The following CSMD3 variants were observed in gnomAD, a reference collection of about 807,000 sequenced individuals.
CSMD3 encodes the protein CUB and sushi domain-containing protein 3.
In CSMD3, 177 loss-of-function variants were observed where a neutral mutation model predicts 435.2. That is an observed-to-expected ratio of 0.41 (90% CI 0.36 to 0.46). The LOEUF (loss-of-function observed/expected upper bound fraction) is 0.46. Ranked by LOEUF, CSMD3 falls within the 20% of genes least tolerant of loss-of-function variation. The pLI, the probability that CSMD3 is intolerant of heterozygous loss-of-function variation, is 0.34. For synonymous variants in CSMD3, 1,656 were observed against 1,520.5 expected, an observed-to-expected ratio of 1.09 and a Z score of -2.07; for missense variants, 4,265 against 4,504.6, an observed-to-expected ratio of 0.95 and a Z score of 1.52.
chr8:112,519,023 A>G (rs2853243), intron 27 of CSMD3, among the ~76,000 whole-genome samples: 8,728 of 152,162 alleles, frequency 0.057, 334 homozygotes, highest in East Asian at 0.15. Context: ...CTGTGATTCA[A>G]TCACCTCCCA....
At chr8:112,795,148 A>G (rs757277099) in intron 13 of CSMD3, among the ~76,000 whole-genome samples, 3 of 152,156 alleles carry the variant, frequency 2.0e-5, no homozygotes, top group East Asian at 1.9e-4. Flanking sequence ...TAATACTACC[A>G]TATTCTAAAA....
intron 31 of CSMD3, among the ~76,000 whole-genome samples, chr8:112,476,931 G>A (rs1362713221): frequency 1.3e-5 from 2 of 152,036 alleles, no homozygotes; most frequent in African/African-American, 4.8e-5. Context: ...TCATACCACT[G>A]GTAGCAATTT....
chr8:113,055,929 G>A (rs1308826692), intron 5 of CSMD3, among the ~76,000 whole-genome samples: 2 of 152,162 alleles, frequency 1.3e-5, no homozygotes, highest in African/African-American at 4.8e-5. Context: ...TATATGAGAA[G>A]CTGGCATAAA....
chr8:112,756,282 AC>A (rs1179383031), intron 13 of CSMD3, among the ~76,000 whole-genome samples: 2 of 152,188 alleles, frequency 1.3e-5, no homozygotes, highest in Non-Finnish European at 2.9e-5. Flanking sequence ...GTTGATTCCT[AC>A]CAGGTGCTTG....
chr8:113,348,161 T>G (rs72670772), intron 1 of CSMD3, among the ~76,000 whole-genome samples: 16,190 of 152,216 alleles, frequency 0.11, 1,344 homozygotes, highest in African/African-American at 0.23. Flanking sequence ...TTATCTCCAC[T>G]AGAATCTTCA....
chr8:112,924,254 A>T (rs1223834430), intron 9 of CSMD3, among the ~76,000 whole-genome samples: 1 of 152,140 alleles, frequency 6.6e-6, no homozygotes, highest in Non-Finnish European at 1.5e-5. Flanking sequence ...AGTTTAGTTA[A>T]CAAGCTGTCA....
intron 3 of CSMD3, among the ~76,000 whole-genome samples, chr8:113,179,126 A>T (rs928823430): frequency 3.3e-5 from 5 of 151,760 alleles, no homozygotes; most frequent in African/African-American, 4.8e-5. Flanking sequence ...AATTAATTTT[A>T]AAAAAATTAG....
chr8:112,633,660 A>G (rs2131566534), intron 22 of CSMD3, among the ~76,000 whole-genome samples: 1 of 152,182 alleles, frequency 6.6e-6, no homozygotes, highest in East Asian at 1.9e-4. Flanking sequence ...CATCCAGAAT[A>G]AGATAAATTT....
At chr8:112,552,763 A>T (rs750406611) in intron 25 of CSMD3, 43 bp from the exon 26 acceptor site, 1 of 1,579,314 alleles carries the variant, frequency 6.3e-7, no homozygotes, top group East Asian at 2.3e-5. Context: ...TTTAATGCCA[A>T]TCTTTTCAAA....
At chr8:113,404,886 T>A (rs943979862) in intron 1 of CSMD3, among the ~76,000 whole-genome samples, 1 of 151,482 alleles carries the variant, frequency 6.6e-6, no homozygotes, top group Non-Finnish European at 1.5e-5. Context: ...ACTTGTTTCA[T>A]CCCTTAAAAA....
At chr8:112,621,749 A>T (rs766884313) in intron 22 of CSMD3, among the ~76,000 whole-genome samples, 16 of 151,992 alleles carry the variant, frequency 1.1e-4, no homozygotes, top group Non-Finnish European at 1.8e-4. Context: ...ATTTCTCAAC[A>T]TTGCTGAGCC....
At position 112,304,883 on chromosome 8, in the gene CSMD3, A is replaced by G. The variant is rs1821274997; in HGVS notation, c.8104T>C (p.Leu2702=). 6.2e-7 allele frequency: 1 copy of G among 1,613,676 alleles called. No individual in the cohort carries two copies. Among genetic ancestry groups the G allele is most frequent in the African/African-American group, 1.3e-5 (1 of 74,920 alleles). Reference sequence around the variant, plus strand: ...ACAATTCGCCATCTTCCATGTTCCAAGATAAAGGAATTGATGCTTGGACAT... The same window carrying G: ...ACAATTCGCCATCTTCCATGTTCCAGGATAAAGGAATTGATGCTTGGACAT... ...VTCPSINSFI[L]EHGRWRIVNG... Residue 2702 remains leucine (L), a synonymous_variant, in exon 52 of 71, where the codon TTG becomes CTG. Coordinates refer to ENST00000297405, the MANE Select transcript of CSMD3 (RefSeq NM_198123.2).
intron 1 of CSMD3, among the ~76,000 whole-genome samples, chr8:113,344,305 CTTGCTGGT>C (rs1448633840): frequency 6.6e-6 from 1 of 152,028 alleles, no homozygotes; most frequent in Non-Finnish European, 1.5e-5. Flanking sequence ...TATTTTATTG[CTTGCTGGT>C]TGATTCACAT....
chr8:112,570,202 A>G (rs1829394358), intron 24 of CSMD3, among the ~76,000 whole-genome samples: 1 of 152,122 alleles, frequency 6.6e-6, no homozygotes. Context: ...CTGTTTTACT[A>G]TCATGAAAGC....
intron 59 of CSMD3, 136 bp downstream of exon 59, chr8:112,281,038 T>C: frequency 1.4e-6 from 1 of 695,660 alleles, no homozygotes; most frequent in Non-Finnish European, 2.4e-6. Flanking sequence ...ACTACTATAA[T>C]CCTTTAATCT....
chr8:112,504,743 A>T (rs1435614331), intron 29 of CSMD3, among the ~76,000 whole-genome samples: 3 of 152,144 alleles, frequency 2.0e-5, no homozygotes, highest in Non-Finnish European at 4.4e-5. Flanking sequence ...CAAAAGTATA[A>T]CAATTGTCCC....
chr8:112,254,125 C>A, intron 63 of CSMD3, 128 bp downstream of exon 63: 1 of 773,654 alleles, frequency 1.3e-6, no homozygotes. Flanking sequence ...TGTCTGTTAC[C>A]CTTTTTATGT....
At chr8:112,323,714 A>G (rs766249622) in intron 45 of CSMD3, among the ~76,000 whole-genome samples, 5 of 152,042 alleles carry the variant, frequency 3.3e-5, no homozygotes, top group Non-Finnish European at 7.4e-5. Flanking sequence ...AAATTGGCCT[A>G]TAGTGTGTTC....
chr8:112,423,047 G>A, intron 32 of CSMD3, among the ~76,000 whole-genome samples: 1 of 152,258 alleles, frequency 6.6e-6, no homozygotes. Flanking sequence ...TCTACAGAAT[G>A]TGTATTGCTG....
Sources: allele counts gnomAD v4.1 joint callset (sites outside exome capture counted in the v4.1 genomes callset), GRCh38; gene constraint gnomAD v4.1.1; transcripts MANE v1.5; gene names NCBI Gene and HGNC (gene_info 2026-07-23, HGNC 2026-07-21).